ST6GAL1: variants seen among roughly 807,000 people sequenced by gnomAD.
ST6GAL1 encodes ST6 beta-galactoside alpha-2,6-sialyltransferase 1.
A neutral mutation model predicts 38.0 loss-of-function variants in ST6GAL1; 20 were observed. The ratio of observed to expected loss-of-function variants is 0.53; its 90% confidence interval spans 0.37 to 0.77. The LOEUF (loss-of-function observed/expected upper bound fraction) is 0.77, where lower values mean the gene tolerates loss of function less well. ST6GAL1 is among the 30% of genes least tolerant of loss of function. ST6GAL1 has a pLI of 0.00. For missense variants in ST6GAL1, 432 were observed against 496.4 expected (o/e 0.87, Z 1.23); for synonymous variants, 196 against 188.2 (o/e 1.04, Z -0.34).
chr3:186,940,523 G>T (rs1314001022), intron 1 of ST6GAL1, among the ~76,000 whole-genome samples: 1 of 152,222 alleles, frequency 6.6e-6, no homozygotes, highest in Non-Finnish European at 1.5e-5. Flanking sequence ...GCCGCATGTA[G>T]CCCAGGATGG....
chr3:186,945,202 G>T (rs1310289790), intron 1 of ST6GAL1, among the ~76,000 whole-genome samples: 3 of 152,048 alleles, frequency 2.0e-5, no homozygotes, highest in Non-Finnish European at 2.9e-5. Flanking sequence ...TAGCTACTTG[G>T]AAGACTGATG....
rs1714287701 is a variant in ST6GAL1 at position 186,944,475 on chromosome 3, GC to G, written c.-325+13642del. 2.0e-5 allele frequency among the ~76,000 whole-genome samples: 3 copies of G among 152,164 alleles called. No individual in the cohort carries two copies. The South Asian group carries it at 6.2e-4, about 32-fold the overall frequency. On this transcript the variant is annotated intron_variant, in intron 1 of 7. Transcript: ENST00000169298. ...TAGAGTTGGCTCTCGGGTAGGAGAGGCAGTATGGGGAATTCATTCATGCAAA... is the reference window on the plus strand; with the variant it reads ...TAGAGTTGGCTCTCGGGTAGGAGAGGAGTATGGGGAATTCATTCATGCAAA...
intron 1 of ST6GAL1, among the ~76,000 whole-genome samples, chr3:186,942,934 C>T (rs1714228658): frequency 6.6e-6 from 1 of 152,178 alleles, no homozygotes; most frequent in African/African-American, 2.4e-5. Context: ...AACTGCTCAC[C>T]TCAGGTGATC....
At chr3:186,957,277 A>C (rs1038708519) in intron 1 of ST6GAL1, among the ~76,000 whole-genome samples, 3 of 152,036 alleles carry the variant, frequency 2.0e-5, no homozygotes, top group African/African-American at 7.2e-5. Flanking sequence ...CCCCACCTCT[A>C]CTCAAAAATA....
chr3:186,996,169 G>GGACT lies in ST6GAL1; in HGVS notation c.-183+32244_-183+32247dup, dbSNP rs555789348. 5.4e-4 allele frequency among the ~76,000 whole-genome samples: 83 copies of GGACT among 152,314 alleles called. 1 individual carries two copies. The highest frequency in any genetic ancestry group is 1.9e-3 in the African/African-American group (78 of 41,566). On this transcript the variant is annotated intron_variant, in intron 2 of 7. Transcript: ENST00000169298. The stretch of plus-strand genomic sequence containing the variant: ...ATATTGAATAGCAGTAATATTTGAA[G>GGACT]GACTAGTCAGCTGTAGAAGCCTTGA...
At chr3:186,947,340 A>G (rs933776724) in intron 1 of ST6GAL1, among the ~76,000 whole-genome samples, 3 of 152,318 alleles carry the variant, frequency 2.0e-5, no homozygotes, top group Admixed American at 6.5e-5. Flanking sequence ...ATTAAAAAAT[A>G]GTGATGTTTA....
At chr3:187,058,488 C>G (rs770929676) in intron 5 of ST6GAL1, among the ~76,000 whole-genome samples, 2 of 152,050 alleles carry the variant, frequency 1.3e-5, no homozygotes, top group Non-Finnish European at 2.9e-5. Flanking sequence ...TGGTCACCAT[C>G]TTGTTTTTTT....
In ST6GAL1 at chr3:187,042,784, G is replaced by A; in HGVS notation, c.81G>A (p.Lys27=). Residue 27 remains lysine, a synonymous_variant, in exon 4 of 8, where the codon AAG becomes AAA. Transcript: ENST00000169298. ...TGTTTGCAGTCATCTGTGTGTGGAA[G>A]GAAAAGAAGAAAGGGAGTTACTATG... ...FLLFAVICVW[K]EKKKGSYYDS... 6.2e-7 allele frequency: 1 copy of A among 1,614,162 alleles called. No individual in the cohort carries two copies. The highest frequency in any genetic ancestry group is 8.5e-7 in the Non-Finnish European group (1 of 1,180,024).
intron 4 of ST6GAL1, 106 bp downstream of exon 4, chr3:187,043,416 G>C: frequency 6.7e-7 from 1 of 1,492,414 alleles, no homozygotes; most frequent in East Asian, 2.3e-5. Flanking sequence ...CGGACCAGTG[G>C]AGTGGGCCCA....
At chr3:186,978,319 C>G (rs1044100746) in intron 2 of ST6GAL1, among the ~76,000 whole-genome samples, 1 of 152,230 alleles carries the variant, frequency 6.6e-6, no homozygotes, top group Non-Finnish European at 1.5e-5. Flanking sequence ...CATAGTCTAT[C>G]TAGCTGGAAG....
intron 5 of ST6GAL1, among the ~76,000 whole-genome samples, chr3:187,069,498 C>T (rs1416442558): frequency 6.6e-6 from 1 of 152,164 alleles, no homozygotes; most frequent in East Asian, 1.9e-4. Flanking sequence ...TCCCCTTGGT[C>T]CCCTTTTTCC....
intron 2 of ST6GAL1, among the ~76,000 whole-genome samples, chr3:187,028,577 C>T (rs929297119): frequency 3.3e-5 from 5 of 152,040 alleles, no homozygotes; most frequent in African/African-American, 9.7e-5. Context: ...TATATAACCA[C>T]AATACTTTTA....
intron 2 of ST6GAL1, among the ~76,000 whole-genome samples, chr3:187,028,712 T>A (rs1717632128): frequency 6.6e-6 from 1 of 152,224 alleles, no homozygotes; most frequent in South Asian, 2.1e-4. Context: ...TATTACATAT[T>A]ATTATATCTG....
intron 1 of ST6GAL1, among the ~76,000 whole-genome samples, chr3:186,950,969 C>A (rs1435681136): frequency 6.6e-6 from 1 of 152,216 alleles, no homozygotes; most frequent in Non-Finnish European, 1.5e-5. Flanking sequence ...TCATTTAGCC[C>A]TGGCTAAATC....
intron 1 of ST6GAL1, among the ~76,000 whole-genome samples, chr3:186,962,377 A>G (rs1714964951): frequency 6.6e-6 from 1 of 152,178 alleles, no homozygotes; most frequent in Admixed American, 6.5e-5. Flanking sequence ...AGCAGAGTTC[A>G]TTTAGCATAA....
chr3:186,936,172 T>G (rs1713946938), intron 1 of ST6GAL1, among the ~76,000 whole-genome samples: 1 of 152,168 alleles, frequency 6.6e-6, no homozygotes, highest in Admixed American at 6.5e-5. Context: ...TATTGACCTC[T>G]GGGGTCCCCT....
chr3:187,069,242 C>T (rs926913552), intron 5 of ST6GAL1, among the ~76,000 whole-genome samples: 1 of 151,962 alleles, frequency 6.6e-6, no homozygotes, highest in Non-Finnish European at 1.5e-5. Context: ...TCAAGCTATT[C>T]GCCTGCCTCA....
Position 186,997,364 on chromosome 3 carries a change from G to C in ST6GAL1, c.-183+33438G>C, listed in dbSNP as rs551297000. On this transcript the variant is annotated intron_variant, in intron 2 of 7. Coordinates refer to ENST00000169298, the MANE Select transcript of ST6GAL1 (RefSeq NM_173216.2). ...GTTAGTAATGGTGGAATCAGGGCTG[G>C]AGCCCAGTCTTCTAAGCCTAGTTCC... is the stretch of plus-strand genomic sequence containing the variant. Among the ~76,000 whole-genome samples the C allele has an allele frequency of 3.3e-5, 5 of 152,224 alleles. No individual in the cohort carries two copies. The South Asian group carries it at 1.0e-3, about 32-fold the overall frequency.
chr3:187,044,035 G>A lies in ST6GAL1; in HGVS notation c.607+725G>A, dbSNP rs560762051. ...AGAATGTATGTGTATGCGTATAAGT[G>A]TGTCCGTGCATTTTTCCAGGAAGGG... On this transcript the variant is annotated intron_variant, in intron 4 of 7. Coordinates refer to ENST00000169298, the MANE Select transcript of ST6GAL1 (RefSeq NM_173216.2). Among the ~76,000 whole-genome samples the A allele has an allele frequency of 6.6e-5, 10 of 152,290 alleles. No individual in the cohort carries two copies. In the South Asian group the frequency reaches 2.1e-3, roughly 32 times the overall value.
Sources: gnomAD v4.1 joint callset for allele counts (sites outside exome capture counted in the v4.1 genomes callset) on GRCh38, gnomAD v4.1.1 for gene constraint, MANE v1.5 for transcripts, NCBI Gene and HGNC (gene_info 2026-07-23, HGNC 2026-07-21) for gene names.